Variants in SPIB observed in about 807,000 individuals in gnomAD.
SPIB encodes transcription factor Spi-B.
A neutral mutation model predicts 31.9 loss-of-function variants in SPIB; 7 were observed. The observed-to-expected ratio is 0.22, with a 90% CI of 0.12 to 0.41. The LOEUF is 0.41. Among genes scored for constraint, SPIB ranks in the 10% least tolerant of loss-of-function variants. The pLI, the probability that SPIB is intolerant of heterozygous loss-of-function variation, is 1.00. For missense variants in SPIB, 327 were observed against 360.2 expected, an observed-to-expected ratio of 0.91 and a Z score of 0.75; for synonymous variants, 176 against 158.9, an observed-to-expected ratio of 1.11 and a Z score of -0.81.
chr19:50,426,146 T>G (rs889631660), intron 5 of SPIB, among the ~76,000 whole-genome samples: 2 of 151,916 alleles, frequency 1.3e-5, no homozygotes, highest in Non-Finnish European at 2.9e-5. Context: ...GAGGCAGAGT[T>G]TGCAGTGAGC....
chr19:50,427,902 G>A (rs2039588320), intron 5 of SPIB, 136 bp from the exon 6 acceptor site: 2 of 713,714 alleles, frequency 2.8e-6, no homozygotes, highest in South Asian at 4.0e-5. Flanking sequence ...CCAGGTGTAT[G>A]TAACAGCCAC....
At chr19:50,424,083 C>T (rs2039535780) in intron 5 of SPIB, among the ~76,000 whole-genome samples, 1 of 152,146 alleles carries the variant, frequency 6.6e-6, no homozygotes, top group South Asian at 2.1e-4. Context: ...TCATTCCCGA[C>T]ACCACAGCAA....
rs1568653040 is a variant in SPIB, at chr19:50,429,523, T to G, written c.*1187T>G. 1 of 151,762 alleles carries G rather than the reference T, an allele frequency of 6.6e-6. No individual in the cohort carries two copies. The highest frequency in any genetic ancestry group is 1.5e-5 in the Non-Finnish European group (1 of 68,072). The allele number at this position is 151,762 out of a possible 1,614,324, so 9.4% of individuals were successfully genotyped here. A position where few individuals can be genotyped will look rare whatever the true frequency, so the allele number is the denominator to read the frequency against. The stretch of plus-strand genomic sequence containing the variant: ...TTCAAGACCAGCCTGGGCAACATAA[T>G]GAGACCTCGTCTCTACAAAACATAA... On this transcript the variant is annotated 3_prime_UTR_variant, in exon 6 of 6. Coordinates refer to ENST00000595883, the MANE Select transcript of SPIB (RefSeq NM_003121.5).
chr19:50,423,801 T>C, intron 5 of SPIB, 46 bp downstream of exon 5: 1 of 1,539,146 alleles, frequency 6.5e-7, no homozygotes, highest in Non-Finnish European at 8.8e-7. Context: ...CTGGAGATGG[T>C]GGGGGGGCTG....
Position 50,428,476 on chromosome 19 carries a change from G to A in SPIB, c.*140G>A, listed in dbSNP as rs914041346. On this transcript the variant is annotated 3_prime_UTR_variant, in exon 6 of 6. Transcript: ENST00000595883. This position sits in a 1 kb window ranked among gnomAD's most constrained non-coding sequence, Gnocchi z 6.5. ...CACCTTTTGGGGTAAGGGGAGTGCT[G>A]CCCTGCCATAATCCCCAAGCCCAGC... is the stretch of plus-strand genomic sequence containing the variant. 4 of 992,134 alleles carry A rather than the reference G, an allele frequency of 4.0e-6. No homozygotes were observed. Among genetic ancestry groups the A allele is most frequent in the Non-Finnish European group, 5.7e-6 (4 of 700,190 alleles). The allele number at this position is 992,134 out of a possible 1,614,324, so 61.5% of individuals were successfully genotyped here.
chr19:50,423,154 C>G, intron 4 of SPIB, 117 bp downstream of exon 4: 1 of 500,132 alleles, frequency 2.0e-6, no homozygotes, highest in African/African-American at 2.0e-5. Flanking sequence ...CCCAGAAGGT[C>G]GAGGCAATCC....
chr19:50,421,557 A>G (rs2039495208), intron 2 of SPIB, among the ~76,000 whole-genome samples: 2 of 151,682 alleles, frequency 1.3e-5, no homozygotes, highest in Admixed American at 6.6e-5. Context: ...TCCTGACCTC[A>G]TGATCTGCCT....
intron 4 of SPIB, 180 bp downstream of exon 4, chr19:50,423,217 A>AG (rs1243097661): frequency 1.0e-4 from 47 of 463,240 alleles, no homozygotes; most frequent in African/African-American, 3.8e-4. Context: ...AAAAAAAAAA[A>AG]AAAAAGAAAA....
intron 2 of SPIB, among the ~76,000 whole-genome samples, chr19:50,421,703 C>G (rs980723208): frequency 2.6e-5 from 4 of 152,130 alleles, no homozygotes; most frequent in Non-Finnish European, 5.9e-5. Flanking sequence ...CAACCTCCAC[C>G]TCCCAGGTTC....
chr19:50,428,944 C>G lies in SPIB; in HGVS notation c.*608C>G, dbSNP rs1015820402. The G allele has an allele frequency of 6.6e-6, 1 of 152,342 alleles. No individual in the cohort carries two copies. Among genetic ancestry groups the G allele is most frequent in the Non-Finnish European group, 1.5e-5 (1 of 68,188 alleles). 9.4% of individuals were successfully genotyped at this position (152,342 alleles called of 1,614,324 possible). ...AATTCTCTGGAACTATTCTGCTGCCCCTTTTTATGTGTCTGGAGTTCCCCA... is the reference window on the plus strand; with the variant it reads ...AATTCTCTGGAACTATTCTGCTGCCGCTTTTTATGTGTCTGGAGTTCCCCA... On this transcript the variant is annotated 3_prime_UTR_variant, in exon 6 of 6. Transcript: ENST00000595883. The surrounding 1 kb of genome is among the most constrained non-coding windows in gnomAD (Gnocchi z 6.5).
At position 50,422,991 on chromosome 19, in the gene SPIB, CG is replaced by C; in HGVS notation, c.297del (p.Pro100LeufsTer80). ...NLELAPSLEAPGPGLPAYPTE... is the reference protein window; with the variant it reads ...NLELAPSLEAXGPGLPAYPTE... ...GAACTGGCCCCCAGCCTGGAGGCCCCGGGGCCTGGCCTCCCTGCATACCCCA... is the reference window on the plus strand; with the variant it reads ...GAACTGGCCCCCAGCCTGGAGGCCCCGGGCCTGGCCTCCCTGCATACCCCA... On this transcript the variant is annotated frameshift_variant, in exon 4 of 6. Transcript: ENST00000595883. LOFTEE classifies it high-confidence loss of function. The C allele has an allele frequency of 1.3e-6, 2 of 1,562,212 alleles. No individual in the cohort carries two copies. The highest frequency in any genetic ancestry group is 8.7e-7 in the Non-Finnish European group (1 of 1,151,502).
At chr19:50,427,871 C>T (rs922811490) in intron 5 of SPIB, among the ~76,000 whole-genome samples, 167 bp from the exon 6 acceptor site, 10 of 148,394 alleles carry the variant, frequency 6.7e-5, no homozygotes, top group Non-Finnish European at 1.5e-4. Flanking sequence ...CCCCCCCCCC[C>T]CCGTGGTGAG....
Position 50,428,080 on chromosome 19 carries a change from T to C in SPIB, c.533T>C (p.Leu178Pro). 2 of 1,576,838 alleles carry C rather than the reference T, an allele frequency of 1.3e-6. No individual in the cohort carries two copies. Among genetic ancestry groups the C allele is most frequent in the Non-Finnish European group, 1.7e-6 (2 of 1,160,052 alleles). The stretch of plus-strand genomic sequence containing the variant: ...CGCCTGTACCAGTTCCTGCTGGGGC[T>C]ACTGACGCGCGGGGACATGCGTGAG... Reference protein sequence around the residue: ...KLRLYQFLLGLLTRGDMRECV... With the variant: ...KLRLYQFLLGPLTRGDMRECV... The change falls in exon 6 of 6, where the codon CTA becomes CCA. Residue 178 changes from leucine (L) to proline (P), a missense_variant. This residue lies in a region of SPIB where 54 missense variants were observed against 69.5 expected (regional missense o/e 0.78). Transcript: ENST00000595883. This position sits in a 1 kb window ranked among gnomAD's most constrained non-coding sequence, Gnocchi z 6.5.
chr19:50,423,731 CCCGAGGGGAAGGGAT>C lies in SPIB; in HGVS notation c.473_487del (p.Gly158_Glu162del). ...GTCGGATGAGGCCCTCGTGGCTGGC[CCCGAGGGGAAGGGAT>C]CCGAGGCAGGTATGCGGGAGTGGCT... On this transcript the variant is annotated inframe_deletion, in exon 5 of 6. Transcript: ENST00000595883. 13 of 1,611,262 alleles carry C rather than the reference CCCGAGGGGAAGGGAT, an allele frequency of 8.1e-6. No individual in the cohort carries two copies. The highest frequency in any genetic ancestry group is 1.0e-5 in the Non-Finnish European group (12 of 1,178,912).
At chr19:50,423,510 A>T in intron 4 of SPIB, 95 bp from the exon 5 acceptor site, 1 of 1,510,536 alleles carries the variant, frequency 6.6e-7, no homozygotes, top group Non-Finnish European at 9.0e-7. Flanking sequence ...AAAGAGGGAG[A>T]CCAGAGCCAG....
chr19:50,427,984 A>C, intron 5 of SPIB, 54 bp from the exon 6 acceptor site: 1 of 1,437,838 alleles, frequency 7.0e-7, no homozygotes, highest in East Asian at 2.6e-5. Context: ...GTGGATGGGG[A>C]AGGCGGGGCC....
chr19:50,427,012 C>A (rs2039573388), intron 5 of SPIB, among the ~76,000 whole-genome samples: 1 of 151,832 alleles, frequency 6.6e-6, no homozygotes, highest in African/African-American at 2.4e-5. Flanking sequence ...TACTTGTAGT[C>A]CCAGCTACTG....
At chr19:50,425,862 G>A (rs56300011) in intron 5 of SPIB, among the ~76,000 whole-genome samples, 79,425 of 152,108 alleles carry the variant, frequency 0.52, 23,680 homozygotes, top group Non-Finnish European at 0.66. Flanking sequence ...GTGGACTGAC[G>A]CCTTTATTGG....
At chr19:50,419,251 G>A (rs994991939) in intron 1 of SPIB, among the ~76,000 whole-genome samples, 8 of 152,066 alleles carry the variant, frequency 5.3e-5, no homozygotes, top group East Asian at 1.9e-4. Context: ...GGCGTCCTCC[G>A]TGGCTCTCAC....
Sources: allele counts gnomAD v4.1 joint callset (sites outside exome capture counted in the v4.1 genomes callset), GRCh38; gene constraint gnomAD v4.1.1; regional missense constraint gnomAD v4.1.1; non-coding constraint Gnocchi (gnomAD v3.1); transcripts MANE v1.5; gene names NCBI Gene and HGNC (gene_info 2026-07-23, HGNC 2026-07-21).